Variants in APELA observed in about 807,000 individuals in gnomAD.
APELA encodes apelin receptor early endogenous ligand, also known as protein Elabela.
intron 2 of APELA, among the ~76,000 whole-genome samples, chr4:164,883,984 A>G (rs1473129272): frequency 6.6e-6 from 1 of 151,600 alleles, no homozygotes; most frequent in Non-Finnish European, 1.5e-5. Flanking sequence ...AGAAGAAATA[A>G]AAAGAAGAGA....
chr4:164,881,872 CAA>C (rs11340116), intron 2 of APELA, among the ~76,000 whole-genome samples: 223 of 139,760 alleles, frequency 1.6e-3, no homozygotes, highest in Non-Finnish European at 1.6e-3. Context: ...TTGTCTCTAC[CAA>C]AAAAAAAAAA....
intron 2 of APELA, among the ~76,000 whole-genome samples, chr4:164,892,381 T>C (rs1299328481): frequency 2.6e-5 from 4 of 152,180 alleles, no homozygotes; most frequent in Non-Finnish European, 1.5e-5. Flanking sequence ...TATGTATATA[T>C]ATTATCATGT....
intron 2 of APELA, among the ~76,000 whole-genome samples, chr4:164,882,914 A>C (rs1730689367): frequency 6.6e-6 from 1 of 152,164 alleles, no homozygotes; most frequent in African/African-American, 2.4e-5. Context: ...CCTACAAAGG[A>C]CATGAACTCA....
intron 2 of APELA, among the ~76,000 whole-genome samples, chr4:164,881,930 T>C (rs949832195): frequency 2.0e-5 from 3 of 151,760 alleles, no homozygotes; most frequent in African/African-American, 4.8e-5. Flanking sequence ...TCCTAGCTAT[T>C]TGGGGGGCTG....
At chr4:164,878,588 G>A (rs1377746722) in intron 1 of APELA, among the ~76,000 whole-genome samples, 3 of 152,100 alleles carry the variant, frequency 2.0e-5, no homozygotes, top group Non-Finnish European at 4.4e-5. Flanking sequence ...CAAAATATTT[G>A]TGATTAATTT....
Position 164,878,189 on chromosome 4 carries a change from A to AAG in APELA, c.77-730_77-729insGA, listed in dbSNP as rs1560855981. On this transcript the variant is annotated intron_variant, in intron 1 of 2. Transcript: ENST00000507152. The stretch of plus-strand genomic sequence containing the variant: ...GAAGAGAGAAAGAAAGAAAGAAAGA[A>AAG]ACAGAAAAAAGAAAGAAAGAAAGAA... Among the ~76,000 whole-genome samples, 74 of 83,980 alleles carry AAG rather than the reference A, an allele frequency of 8.8e-4. 1 individual carries two copies. The highest frequency in any genetic ancestry group is 3.6e-3 in the African/African-American group (69 of 19,072). 55.1% of individuals were successfully genotyped at this position (83,980 alleles called of 152,430 possible). A position where few individuals can be genotyped will look rare whatever the true frequency, so the allele number is the denominator to read the frequency against.
intron 2 of APELA, among the ~76,000 whole-genome samples, chr4:164,885,216 C>T (rs1052264671): frequency 7.9e-5 from 12 of 152,166 alleles, no homozygotes; most frequent in East Asian, 5.9e-4. Flanking sequence ...CTGCAGCCTC[C>T]GCCTTTTGGG....
At position 164,897,515 on chromosome 4, in the gene APELA, T is replaced by G. The variant is rs1315559217; in HGVS notation, c.*2101T>G. On this transcript the variant is annotated 3_prime_UTR_variant, in exon 3 of 3. Transcript: ENST00000507152. ...ATTTCTTAATTGTTCAATAAAACACTCAATGATTTGCATGTCTGGCTGTCC... is the reference window on the plus strand; with the variant it reads ...ATTTCTTAATTGTTCAATAAAACACGCAATGATTTGCATGTCTGGCTGTCC... The G allele has an allele frequency of 6.6e-6, 1 of 152,236 alleles. No homozygotes were observed. The highest frequency in any genetic ancestry group is 1.5e-5 in the Non-Finnish European group (1 of 68,034). The allele number at this position is 152,236 out of a possible 1,614,324, so 9.4% of individuals were successfully genotyped here. A position where few individuals can be genotyped will look rare whatever the true frequency, so the allele number is the denominator to read the frequency against.
intron 2 of APELA, among the ~76,000 whole-genome samples, chr4:164,890,656 T>A (rs1211368474): frequency 6.6e-6 from 1 of 152,186 alleles, no homozygotes; most frequent in Non-Finnish European, 1.5e-5. Flanking sequence ...TGATGAACAT[T>A]TGGGTTATTC....
chr4:164,894,894 A>G (rs1579113987), intron 2 of APELA, among the ~76,000 whole-genome samples: 1 of 152,190 alleles, frequency 6.6e-6, no homozygotes, highest in African/African-American at 2.4e-5. Context: ...AGGTATCTCT[A>G]TATTTGTATT....
At chr4:164,893,420 A>G (rs1336564695) in intron 2 of APELA, among the ~76,000 whole-genome samples, 1 of 152,002 alleles carries the variant, frequency 6.6e-6, no homozygotes, top group African/African-American at 2.4e-5. Context: ...TTGATTTCTA[A>G]TTTGATTCCA....
At chr4:164,894,900 G>T (rs1216864787) in intron 2 of APELA, among the ~76,000 whole-genome samples, 1 of 152,158 alleles carries the variant, frequency 6.6e-6, no homozygotes, top group Admixed American at 6.5e-5. Flanking sequence ...CTCTATATTT[G>T]TATTGCTAAA....
In APELA at chr4:164,883,422, C is replaced by T. The variant is rs537624331; in HGVS notation, c.*1+4413C>T. The stretch of plus-strand genomic sequence containing the variant: ...GTCATTAAGCCTCAAAATCCAACCT[C>T]GCCCTCAAACTACAGACATCTACAT... On this transcript the variant is annotated intron_variant, in intron 2 of 2. Coordinates refer to ENST00000507152, the MANE Select transcript of APELA (RefSeq NM_001297550.2). Among the ~76,000 whole-genome samples, 14 of 152,126 alleles carry T rather than the reference C, an allele frequency of 9.2e-5. No individual in the cohort carries two copies. In the South Asian group the frequency reaches 2.1e-3, roughly 23 times the overall value.
intron 2 of APELA, among the ~76,000 whole-genome samples, chr4:164,884,912 C>T (rs1352475335): frequency 6.6e-6 from 1 of 151,962 alleles, no homozygotes; most frequent in African/African-American, 2.4e-5. Context: ...TTTTATTACC[C>T]CTATTAGTTA....
chr4:164,882,985 A>G (rs1010994883), intron 2 of APELA, among the ~76,000 whole-genome samples: 1 of 152,100 alleles, frequency 6.6e-6, no homozygotes, highest in Non-Finnish European at 1.5e-5. Flanking sequence ...ATTGAGTCCA[A>G]CTGATACTCT....
In APELA at chr4:164,880,035, TAC is replaced by T. The variant is rs1730628668; in HGVS notation, c.*1+1030_*1+1031del. On this transcript the variant is annotated intron_variant, in intron 2 of 2. Coordinates refer to ENST00000507152, the MANE Select transcript of APELA (RefSeq NM_001297550.2). ...GTTTAAGTCACTTCATACTAAAAAA[TAC>T]ACAGTTTGGCATTCCATTGTAAGTA... Among the ~76,000 whole-genome samples, 4 of 152,328 alleles carry T rather than the reference TAC, an allele frequency of 2.6e-5. No homozygotes were observed. The South Asian group carries it at 6.2e-4, about 24-fold the overall frequency.
intron 2 of APELA, among the ~76,000 whole-genome samples, chr4:164,886,653 A>C (rs1560859109): frequency 6.6e-6 from 1 of 152,306 alleles, no homozygotes; most frequent in African/African-American, 2.4e-5. Context: ...CTAAAAAAAA[A>C]GAAAAAGATT....
intron 2 of APELA, among the ~76,000 whole-genome samples, chr4:164,892,221 T>A (rs1254514769): frequency 6.6e-6 from 1 of 151,950 alleles, no homozygotes; most frequent in South Asian, 2.1e-4. Context: ...GAAGCTGAAG[T>A]GAAAGAATCG....
rs1489406059 is a variant in APELA, at chr4:164,895,438, G to A, written c.*24G>A. ...TAGATCTCTCTAGCTAACTTTACTG[G>A]ATCTATCAGAAGAAGAAGAGGAGTG... is the stretch of plus-strand genomic sequence containing the variant. On this transcript the variant is annotated 3_prime_UTR_variant, in exon 3 of 3. Transcript: ENST00000507152. 6.6e-6 allele frequency: 1 copy of A among 152,054 alleles called. No homozygotes were observed. The highest frequency in any genetic ancestry group is 1.5e-5 in the Non-Finnish European group (1 of 68,018). The allele number at this position is 152,054 out of a possible 1,614,324, so 9.4% of individuals were successfully genotyped here. A position where few individuals can be genotyped will look rare whatever the true frequency, so the allele number is the denominator to read the frequency against.
Sources: gnomAD v4.1 joint callset for allele counts (sites outside exome capture counted in the v4.1 genomes callset) on GRCh38, gnomAD v4.1.1 for gene constraint, MANE v1.5 for transcripts, NCBI Gene and HGNC (gene_info 2026-07-23, HGNC 2026-07-21) for gene names.